The following VLDLR variants were observed in gnomAD, a reference collection of about 807,000 sequenced individuals.
The protein encoded by VLDLR is very low-density lipoprotein receptor.
A neutral mutation model predicts 112.7 loss-of-function variants in VLDLR; 81 were observed. The observed-to-expected ratio is 0.72, with a 90% CI of 0.60 to 0.86. VLDLR has a LOEUF of 0.86. Ranked by LOEUF, VLDLR falls within the 40% of genes least tolerant of loss-of-function variation. The probability of loss-of-function intolerance (pLI) is 0.00; values close to 1 mark genes in which losing one functional copy is unlikely to be tolerated. For missense variants in VLDLR, 1,237 were observed against 1,099.4 expected, an observed-to-expected ratio of 1.13 and a Z score of -1.77; for synonymous variants, 436 against 384.8, an observed-to-expected ratio of 1.13 and a Z score of -1.56.
At position 2,627,640 on chromosome 9, in the gene VLDLR, A is replaced by G. The variant is rs560033702; in HGVS notation, c.82+5369A>G. 1.5e-4 allele frequency among the ~76,000 whole-genome samples: 23 copies of G among 152,248 alleles called. No individual in the cohort carries two copies. The East Asian group carries it at 4.4e-3, about 29-fold the overall frequency. ...AGTGCTTTTGGAGGCCGAGGCAGGC[A>G]GATCACGAGGTCAGGAGTTCGAGAC... On this transcript the variant is annotated intron_variant, in intron 1 of 18. Coordinates refer to ENST00000382100, the MANE Select transcript of VLDLR (RefSeq NM_003383.5).
At chr9:2,648,902 G>A in intron 14 of VLDLR, 92 bp downstream of exon 14, 2 of 1,552,816 alleles carry the variant, frequency 1.3e-6, no homozygotes, top group Admixed American at 1.8e-5. Flanking sequence ...TGGCAACTCA[G>A]TTTTCTTTAA....
intron 4 of VLDLR, among the ~76,000 whole-genome samples, chr9:2,642,416 T>G (rs1037336595): frequency 6.6e-6 from 1 of 152,212 alleles, no homozygotes; most frequent in African/African-American, 2.4e-5. Context: ...TTGGGTTTTC[T>G]GTATTGGTAA....
intron 3 of VLDLR, among the ~76,000 whole-genome samples, chr9:2,640,975 T>G (rs1487661966): frequency 1.3e-5 from 2 of 152,184 alleles, no homozygotes; most frequent in Non-Finnish European, 2.9e-5. Flanking sequence ...ATAGAAGATT[T>G]TGTAGGTGTT....
intron 1 of VLDLR, among the ~76,000 whole-genome samples, chr9:2,622,674 C>G (rs1409680279): frequency 1.3e-5 from 2 of 152,234 alleles, no homozygotes; most frequent in South Asian, 2.1e-4. Flanking sequence ...TGTGCGGCAG[C>G]CTCGGGCGCA....
At chr9:2,637,758 A>G (rs1017720846) in intron 2 of VLDLR, among the ~76,000 whole-genome samples, 7 of 152,220 alleles carry the variant, frequency 4.6e-5, no homozygotes, top group African/African-American at 7.2e-5. Flanking sequence ...TGGCTAACAC[A>G]GTGAAACCCC....
In VLDLR at chr9:2,656,178, G is replaced by A. The variant is rs989923271; in HGVS notation, c.*2310G>A. The A allele has an allele frequency of 2.7e-5, 4 of 147,616 alleles. No individual in the cohort carries two copies. Among genetic ancestry groups the A allele is most frequent in the Non-Finnish European group, 5.9e-5 (4 of 67,876 alleles). The allele number at this position is 147,616 out of a possible 1,614,324, so 9.1% of individuals were successfully genotyped here. On this transcript the variant is annotated 3_prime_UTR_variant, in exon 19 of 19. Transcript: ENST00000382100. ...TTCCAACCCTCAAAGAGTCTAAAAC[G>A]TCTCATTTTTTTTTACCACGTCCTC...
intron 1 of VLDLR, 52 bp from the exon 2 acceptor site, chr9:2,635,401 C>T (rs1586642320): frequency 2.5e-6 from 4 of 1,612,504 alleles, no homozygotes; most frequent in Non-Finnish European, 3.4e-6. Flanking sequence ...TATTAGGTAT[C>T]TTGAATCTAT....
chr9:2,640,869 A>G (rs911209724), intron 3 of VLDLR, among the ~76,000 whole-genome samples: 1 of 152,226 alleles, frequency 6.6e-6, no homozygotes, highest in Non-Finnish European at 1.5e-5. Flanking sequence ...TTAGTGGAGA[A>G]TGACCTGGTC....
chr9:2,636,806 C>A (rs1428275561), intron 2 of VLDLR, among the ~76,000 whole-genome samples: 1 of 152,240 alleles, frequency 6.6e-6, no homozygotes, highest in African/African-American at 2.4e-5. Context: ...AGAGTCCTCA[C>A]TCTTGTCAAC....
intron 1 of VLDLR, 119 bp downstream of exon 1, chr9:2,622,390 C>A: frequency 4.6e-6 from 4 of 865,164 alleles, no homozygotes; most frequent in Non-Finnish European, 6.4e-6. Flanking sequence ...CGGTTCTCCT[C>A]GCCTTCCCTC....
intron 10 of VLDLR, 80 bp from the exon 11 acceptor site, chr9:2,646,254 C>A (rs981053108): frequency 6.4e-6 from 9 of 1,397,626 alleles, no homozygotes; most frequent in Non-Finnish European, 9.1e-6. Context: ...AGTCATTGAC[C>A]ATTTTGTAAG....
At position 2,640,110 on chromosome 9, in the gene VLDLR, C is replaced by G. The variant is rs761626026; in HGVS notation, c.325+129C>G. The G allele has an allele frequency of 8.8e-5, 126 of 1,439,796 alleles. 1 individual carries two copies. The highest frequency in any genetic ancestry group is 1.2e-4 in the Non-Finnish European group (124 of 1,026,356). 89.2% of individuals were successfully genotyped at this position (1,439,796 alleles called of 1,614,324 possible). A position where few individuals can be genotyped will look rare whatever the true frequency, so the allele number is the denominator to read the frequency against. ...GCCTTAAAGTTTAGGTCAATTGACT[C>G]CAAGGGCAGTCAAATCATTACCAGT... On this transcript the variant is annotated intron_variant, in intron 3 of 18. Coordinates refer to ENST00000382100, the MANE Select transcript of VLDLR (RefSeq NM_003383.5).
chr9:2,643,226 T>C lies in VLDLR; in HGVS notation c.515T>C (p.Val172Ala). The C allele has an allele frequency of 6.2e-7, 1 of 1,614,142 alleles. No individual in the cohort carries two copies. Among genetic ancestry groups the C allele is most frequent in the Non-Finnish European group, 8.5e-7 (1 of 1,180,036 alleles). Residue 172 changes from valine (V) to alanine (A), a missense_variant, in exon 5 of 19, where the codon GTA (valine) becomes GCA (alanine). Coordinates refer to ENST00000382100, the MANE Select transcript of VLDLR (RefSeq NM_003383.5). ...SSGRCISRNF[V>A]CNGQDDCSDG... ...GGCCGCTGCATCTCCAGGAACTTTG[T>C]ATGCAATGGCCAGGATGACTGCAGC...
rs774375261 is a variant in VLDLR, at chr9:2,645,049, A to G, written c.1279A>G (p.Met427Val). 1.9e-6 allele frequency: 3 copies of G among 1,614,224 alleles called. No individual in the cohort carries two copies. The highest frequency in any genetic ancestry group is 1.7e-5 in the Admixed American group (1 of 60,034). ...YKCECSRGYQ[M>V]DLATGVCKAV... ...GTGTGAATGTAGTCGTGGCTATCAA[A>G]TGGATCTTGCTACTGGCGTGTGCAA... The change falls in exon 9 of 19, where the codon ATG (methionine) becomes GTG (valine). Residue 427 changes from methionine to valine, a missense_variant. Transcript: ENST00000382100.
intron 16 of VLDLR, 93 bp downstream of exon 16, chr9:2,651,591 T>G: frequency 3.4e-6 from 4 of 1,191,778 alleles, no homozygotes; most frequent in Non-Finnish European, 4.9e-6. Context: ...CTTTAACTAC[T>G]ATTTCTGCCC....
intron 7 of VLDLR, 30 bp from the exon 8 acceptor site, chr9:2,644,704 T>C (rs768651526): frequency 6.2e-7 from 1 of 1,613,698 alleles, no homozygotes; most frequent in South Asian, 1.1e-5. Flanking sequence ...GAAAATAAGT[T>C]GTCAAGTGAC....
chr9:2,646,007 G>A (rs1272505069), intron 10 of VLDLR, among the ~76,000 whole-genome samples: 3 of 151,980 alleles, frequency 2.0e-5, no homozygotes, highest in Non-Finnish European at 4.4e-5. Flanking sequence ...ATTGAGAACT[G>A]TTCATTGTTG....
At chr9:2,637,776 C>A (rs1157067454) in intron 2 of VLDLR, among the ~76,000 whole-genome samples, 1 of 152,034 alleles carries the variant, frequency 6.6e-6, no homozygotes, top group Non-Finnish European at 1.5e-5. Flanking sequence ...CCCGTCTCCA[C>A]TAAAAATACA....
chr9:2,642,164 C>T (rs934751785), intron 4 of VLDLR, among the ~76,000 whole-genome samples: 1 of 152,090 alleles, frequency 6.6e-6, no homozygotes, highest in African/African-American at 2.4e-5. Flanking sequence ...AGGTGAGGGC[C>T]TGGGAAAATC....
Sources: allele counts gnomAD v4.1 joint callset (sites outside exome capture counted in the v4.1 genomes callset), GRCh38; gene constraint gnomAD v4.1.1; transcripts MANE v1.5; gene names NCBI Gene and HGNC (gene_info 2026-07-23, HGNC 2026-07-21).